The following C12orf42 variants were observed in gnomAD, a reference collection of about 807,000 sequenced individuals.
C12orf42 encodes the protein chromosome 12 open reading frame 42, also known as uncharacterized protein C12orf42.
In C12orf42, 25 loss-of-function variants were observed where a neutral mutation model predicts 21.6. The ratio of observed to expected loss-of-function variants is 1.16; its 90% CI spans 0.84 to 1.62. The LOEUF (loss-of-function observed/expected upper bound fraction) is 1.62, where lower values mean the gene tolerates loss of function less well. Ranked by LOEUF, C12orf42 falls within the 40% of genes most tolerant of loss-of-function variation. The pLI, the probability that C12orf42 is intolerant of heterozygous loss-of-function variation, is 0.00. For synonymous variants in C12orf42, 174 were observed against 175.0 expected, an observed-to-expected ratio of 0.99 and a Z score of 0.05; for missense variants, 483 against 459.3, an observed-to-expected ratio of 1.05 and a Z score of -0.47.
chr12:103,254,055 C>T (rs572604107), intron 10 of C12orf42, among the ~76,000 whole-genome samples: 5 of 152,264 alleles, frequency 3.3e-5, no homozygotes, highest in Admixed American at 6.5e-5. Flanking sequence ...TTTGCCCATG[C>T]GTATGTCCTG....
At chr12:103,195,506 T>A in the C12orf42 span, among the ~76,000 whole-genome samples, 1 of 152,188 alleles carries the variant, frequency 6.6e-6, no homozygotes, top group African/African-American at 2.4e-5. Context: ...TGAGATGCTA[T>A]CTCATTGTGA....
rs1261412577 is a variant in C12orf42 at position 103,253,860 on chromosome 12, A to G, written c.*1366+9466T>C. Among the ~76,000 whole-genome samples, 13 of 151,228 alleles carry G rather than the reference A, an allele frequency of 8.6e-5. 1 individual carries two copies. The highest frequency in any genetic ancestry group is 1.9e-4 in the Non-Finnish European group (13 of 67,878). ...TCTTGTAAATTTGTTTAAGTTCTTC[A>G]TACATTCTAGATGTTAGGCCTTTGT... On this transcript the variant is annotated intron_variant and NMD_transcript_variant, in intron 10 of 10. Transcript: ENST00000547347.
chr12:103,154,676 A>G, the C12orf42 span, among the ~76,000 whole-genome samples: 1 of 152,148 alleles, frequency 6.6e-6, no homozygotes, highest in Non-Finnish European at 1.5e-5. Context: ...CTTTCAACTC[A>G]TTTATATTTT....
chr12:103,263,148 T>C (rs930535838), intron 10 of C12orf42, among the ~76,000 whole-genome samples: 4 of 151,896 alleles, frequency 2.6e-5, no homozygotes, highest in Non-Finnish European at 4.4e-5. Flanking sequence ...CCAGGGTCTA[T>C]TGGGGTGTGG....
chr12:103,398,079 T>C (rs1361310304), intron 3 of C12orf42, among the ~76,000 whole-genome samples: 4 of 152,172 alleles, frequency 2.6e-5, no homozygotes, highest in African/African-American at 9.7e-5. Context: ...ATAAAAGGTG[T>C]TTGCATTCTA....
In C12orf42 at chr12:103,370,632, G is replaced by C. The variant is rs115170822; in HGVS notation, c.148-1634C>G. Among the ~76,000 whole-genome samples the C allele has an allele frequency of 3.3e-3, 500 of 152,176 alleles. 3 individuals are homozygous for C. The highest frequency in any genetic ancestry group is 0.011 in the African/African-American group (474 of 41,540). ...TCTGAAGCAAACTAACACAGAAACA[G>C]AAGCCTAAATACCACATGTTCTCAC... On this transcript the variant is annotated intron_variant, in intron 3 of 5. Coordinates refer to ENST00000548883, the MANE Select transcript of C12orf42 (RefSeq NM_198521.5).
chr12:103,222,579 G>C, the C12orf42 span, among the ~76,000 whole-genome samples: 9 of 152,150 alleles, frequency 5.9e-5, no homozygotes, highest in Non-Finnish European at 1.0e-4. Flanking sequence ...TGTTCATGGC[G>C]TGTGCAGATA....
chr12:103,065,063 T>C, the C12orf42 span, among the ~76,000 whole-genome samples: 2 of 152,142 alleles, frequency 1.3e-5, no homozygotes, highest in Non-Finnish European at 2.9e-5. Flanking sequence ...ATGGAAGACA[T>C]TAAAGCTGCC....
chr12:103,434,138 A>C (rs1256864394), intron 2 of C12orf42, among the ~76,000 whole-genome samples: 2 of 152,144 alleles, frequency 1.3e-5, no homozygotes, highest in African/African-American at 4.8e-5. Context: ...AGCTTCTTGA[A>C]ACTCCTACTC....
At chr12:103,103,120 C>T in the C12orf42 span, among the ~76,000 whole-genome samples, 1 of 152,138 alleles carries the variant, frequency 6.6e-6, no homozygotes, top group Non-Finnish European at 1.5e-5. Context: ...ACTCTCTCAC[C>T]ATCATTTGCT....
intron 4 of C12orf42, among the ~76,000 whole-genome samples, chr12:103,335,132 C>T (rs1046817044): frequency 6.6e-6 from 1 of 152,218 alleles, no homozygotes; most frequent in Non-Finnish European, 1.5e-5. Flanking sequence ...TTTAACAAAA[C>T]ATCTTTAATC....
chr12:103,373,084 G>T (rs928077055), intron 3 of C12orf42, among the ~76,000 whole-genome samples: 1 of 152,126 alleles, frequency 6.6e-6, no homozygotes, highest in Admixed American at 6.5e-5. Context: ...AAGACACTGT[G>T]GCTTTTAGTT....
At chr12:103,208,453 A>G in the C12orf42 span, among the ~76,000 whole-genome samples, 5 of 152,294 alleles carry the variant, frequency 3.3e-5, no homozygotes, top group Admixed American at 6.5e-5. Context: ...TATAAACCAC[A>G]AAGTTTTGAG....
chr12:103,441,477 C>A (rs1592830666), intron 2 of C12orf42: 1 of 152,138 alleles, frequency 6.6e-6, no homozygotes, highest in Non-Finnish European at 1.5e-5. Flanking sequence ...CCTCTTCCTG[C>A]CCACCATGGG....
chr12:103,086,910 G>A, the C12orf42 span, among the ~76,000 whole-genome samples: 1 of 152,116 alleles, frequency 6.6e-6, no homozygotes, highest in African/African-American at 2.4e-5. Flanking sequence ...AAGTTTGGAA[G>A]TTGGCAAACT....
chr12:103,114,138 GA>G, the C12orf42 span, among the ~76,000 whole-genome samples: 8 of 150,582 alleles, frequency 5.3e-5, no homozygotes, highest in African/African-American at 1.5e-4. Context: ...CCTCCCAGTA[GA>G]AAAAAAAATA....
At chr12:103,284,376 G>C (rs902740452) in intron 4 of C12orf42, among the ~76,000 whole-genome samples, 1 of 152,096 alleles carries the variant, frequency 6.6e-6, no homozygotes, top group Non-Finnish European at 1.5e-5. Context: ...AGAAACATTC[G>C]ATAATCATTC....
the C12orf42 span, among the ~76,000 whole-genome samples, chr12:103,525,758 G>A: frequency 2.6e-5 from 4 of 152,112 alleles, no homozygotes; most frequent in East Asian, 1.9e-4. Context: ...GGCCAGGCGC[G>A]GTGGCTCACG....
chr12:103,367,608 T>C (rs1226249960), intron 4 of C12orf42, among the ~76,000 whole-genome samples: 1 of 151,910 alleles, frequency 6.6e-6, no homozygotes, highest in East Asian at 1.9e-4. Flanking sequence ...AAACACACTT[T>C]TTTGCTTAGA....
Sources: allele counts gnomAD v4.1 joint callset (sites outside exome capture counted in the v4.1 genomes callset), GRCh38; gene constraint gnomAD v4.1.1; transcripts MANE v1.5; gene names NCBI Gene and HGNC (gene_info 2026-07-23, HGNC 2026-07-21).